ARMC8: variants seen among roughly 807,000 people sequenced by gnomAD.
The protein encoded by ARMC8 is armadillo repeat-containing protein 8.
Under a neutral mutation model 99.3 loss-of-function variants are expected in ARMC8, and 20 were observed. That is an observed-to-expected ratio of 0.20 (90% CI 0.14 to 0.29). The LOEUF is 0.29. Ranked by LOEUF, ARMC8 falls within the 10% of genes least tolerant of loss-of-function variation. The pLI, the probability that ARMC8 is intolerant of heterozygous loss-of-function variation, is 1.00. For synonymous variants in ARMC8, 263 were observed against 278.3 expected (o/e 0.95, Z 0.55); for missense variants, 569 against 809.5 (o/e 0.70, Z 3.60).
chr3:138,241,950 C>T lies in ARMC8; in HGVS notation c.1005C>T (p.Pro335=). ...IAMLADYFKY[P]SSVSAITDIK... is the part of the protein sequence containing the mutation. ...TGCTTGCTGATTATTTCAAGTATCC[C>T]AGCTCAGTGAGTGCCATCACTGATA... Residue 335 remains proline (P), a synonymous_variant, in exon 11 of 22, where the codon CCC becomes CCT. Transcript: ENST00000469044. 1.9e-6 allele frequency: 3 copies of T among 1,614,032 alleles called. No homozygotes were observed. Among genetic ancestry groups the T allele is most frequent in the Non-Finnish European group, 2.5e-6 (3 of 1,179,946 alleles).
At chr3:138,257,687 T>G (rs199579929) in intron 12 of ARMC8, among the ~76,000 whole-genome samples, 55 of 152,160 alleles carry the variant, frequency 3.6e-4, no homozygotes, top group Admixed American at 6.6e-4. Context: ...AAAAAAAATT[T>G]AAGTGAGGAA....
chr3:138,236,735 T>TAA (rs773236078), intron 7 of ARMC8, among the ~76,000 whole-genome samples: 4 of 139,714 alleles, frequency 2.9e-5, no homozygotes, highest in African/African-American at 7.8e-5. Context: ...TGGAAAGAAT[T>TAA]AAAAAAAAAA....
chr3:138,201,311 T>C (rs1221123071), intron 1 of ARMC8, among the ~76,000 whole-genome samples: 1 of 151,966 alleles, frequency 6.6e-6, no homozygotes, highest in Non-Finnish European at 1.5e-5. Context: ...CATTGTTTTG[T>C]GTTCTCAACT....
At chr3:138,284,310 T>C (rs2050201766) in intron 18 of ARMC8, 121 bp from the exon 19 acceptor site, 3 of 705,966 alleles carry the variant, frequency 4.2e-6, no homozygotes, top group East Asian at 5.0e-5. Context: ...AATCAGGGCA[T>C]TGAGAGTGGA....
intron 12 of ARMC8, chr3:138,246,897 G>T (rs2108199520): frequency 1.2e-6 from 1 of 856,386 alleles, no homozygotes; most frequent in Non-Finnish European, 1.4e-6. Flanking sequence ...ATAGTTTTTT[G>T]TGTGGTAAAG....
At chr3:138,259,932 G>A (rs1241522272) in intron 12 of ARMC8, among the ~76,000 whole-genome samples, 2 of 152,152 alleles carry the variant, frequency 1.3e-5, no homozygotes, top group Non-Finnish European at 2.9e-5. Context: ...TTGTTTCAGT[G>A]TGTGGCCCCA....
In ARMC8 at chr3:138,283,625, G is replaced by C. The variant is rs187171655; in HGVS notation, c.1726-806G>C. 5.9e-5 allele frequency among the ~76,000 whole-genome samples: 9 copies of C among 152,224 alleles called. 1 individual carries two copies. Among genetic ancestry groups the C allele is most frequent in the Admixed American group, 4.6e-4 (7 of 15,278 alleles). ...ATGGTTTGTTGAATTGCTAAGCTTG[G>C]CACTGTTGGTATCCCTATCATAGTC... On this transcript the variant is annotated intron_variant, in intron 18 of 21. Coordinates refer to ENST00000469044, the MANE Select transcript of ARMC8 (RefSeq NM_001363941.2).
At chr3:138,227,753 C>A (rs1041944779) in intron 5 of ARMC8, among the ~76,000 whole-genome samples, 2 of 152,174 alleles carry the variant, frequency 1.3e-5, no homozygotes, top group Non-Finnish European at 2.9e-5. Context: ...GGACCAGTGG[C>A]ATCAGCCTCA....
chr3:138,254,599 T>C (rs1242727170), intron 12 of ARMC8, among the ~76,000 whole-genome samples: 1 of 152,230 alleles, frequency 6.6e-6, no homozygotes, highest in African/African-American at 2.4e-5. Flanking sequence ...GTTAAGGCTG[T>C]ATTCTGCCAT....
chr3:138,189,304 AG>A (rs2107931641), intron 1 of ARMC8, among the ~76,000 whole-genome samples: 1 of 152,134 alleles, frequency 6.6e-6, no homozygotes, highest in African/African-American at 2.4e-5. Flanking sequence ...TTAAAAAAAA[AG>A]GATTTCCGTA....
chr3:138,216,259 T>G (rs1169126391), intron 2 of ARMC8, among the ~76,000 whole-genome samples: 1 of 152,100 alleles, frequency 6.6e-6, no homozygotes, highest in African/African-American at 2.4e-5. Flanking sequence ...TAAATTAAAG[T>G]CAATTCTGTT....
intron 6 of ARMC8, among the ~76,000 whole-genome samples, chr3:138,234,107 T>G (rs34463192): frequency 6.6e-6 from 1 of 151,942 alleles, no homozygotes; most frequent in South Asian, 2.1e-4. Context: ...TTTGTTTTTG[T>G]TTTTGTTTTT....
chr3:138,265,818 G>A (rs1362161479), intron 14 of ARMC8, among the ~76,000 whole-genome samples: 3 of 152,170 alleles, frequency 2.0e-5, no homozygotes, highest in Non-Finnish European at 2.9e-5. Flanking sequence ...TTGACATGCT[G>A]AGTGGTTCTT....
chr3:138,188,661 C>T, intron 1 of ARMC8: 1 of 1,212,894 alleles, frequency 8.2e-7, no homozygotes, highest in Middle Eastern at 1.9e-4. Flanking sequence ...TTGTCGGGTT[C>T]CTAGAGTCTT....
chr3:138,233,928 T>TA (rs1439696638), intron 6 of ARMC8, among the ~76,000 whole-genome samples: 3 of 152,200 alleles, frequency 2.0e-5, no homozygotes, highest in Admixed American at 6.5e-5. Flanking sequence ...AGGTTGGACA[T>TA]AAAATGAATG....
intron 1 of ARMC8, among the ~76,000 whole-genome samples, chr3:138,202,647 T>A (rs2044145170): frequency 6.6e-6 from 1 of 152,198 alleles, no homozygotes; most frequent in African/African-American, 2.4e-5. Context: ...TTTACCTTTT[T>A]CCAAAGTTGC....
intron 1 of ARMC8, among the ~76,000 whole-genome samples, chr3:138,197,193 C>T (rs1041733835): frequency 6.6e-6 from 1 of 152,140 alleles, no homozygotes; most frequent in Non-Finnish European, 1.5e-5. Context: ...TCACAGGCCA[C>T]AATGTGGGTG....
At chr3:138,293,081 A>G (rs1438999345) in intron 21 of ARMC8, among the ~76,000 whole-genome samples, 1 of 152,296 alleles carries the variant, frequency 6.6e-6, no homozygotes, top group East Asian at 1.9e-4. Context: ...CTCCTGTAGC[A>G]TCTGTAGAAC....
intron 10 of ARMC8, 29 bp downstream of exon 10, chr3:138,239,557 GA>G (rs2046502135): frequency 6.9e-7 from 1 of 1,439,582 alleles, no homozygotes; most frequent in Admixed American, 1.9e-5. Context: ...TTTAAAATGT[GA>G]AAATTATCCA....
Sources: gnomAD v4.1 joint callset for allele counts (sites outside exome capture counted in the v4.1 genomes callset) on GRCh38, gnomAD v4.1.1 for gene constraint, MANE v1.5 for transcripts, NCBI Gene and HGNC (gene_info 2026-07-23, HGNC 2026-07-21) for gene names.